Variants in BCL11A observed in about 807,000 individuals in gnomAD.
BCL11A encodes the protein BCL11 transcription factor A, also known as B cell CLL/lymphoma 11A.
Under a neutral mutation model 55.9 loss-of-function variants are expected in BCL11A, and 2 were observed. The ratio of observed to expected loss-of-function variants is 0.04; its 90% CI spans 0.01 to 0.11. The LOEUF (loss-of-function observed/expected upper bound fraction) is 0.11, where lower values mean the gene tolerates loss of function less well. Ranked by LOEUF, BCL11A falls within the 10% of genes least tolerant of loss-of-function variation. BCL11A has a pLI of 1.00. For missense variants in BCL11A, 817 were observed against 1,137.1 expected (o/e 0.72, Z 4.05); for synonymous variants, 465 against 473.4 (o/e 0.98, Z 0.23).
At position 60,459,076 on chromosome 2, in the gene BCL11A, T is replaced by C. The variant is rs1202165380; in HGVS notation, c.*1328A>G. ...TAATCATCATTGTATCAATATTAGC[T>C]TATATACCTGTTCTAGTTTTAAATG... On this transcript the variant is annotated 3_prime_UTR_variant, in exon 4 of 4. Coordinates refer to ENST00000642384, the MANE Select transcript of BCL11A (RefSeq NM_022893.4). The C allele has an allele frequency of 5.9e-6, 6 of 1,014,766 alleles. No homozygotes were observed. The African/African-American group carries it at 1.0e-4, about 17-fold the overall frequency. 62.9% of individuals were successfully genotyped at this position (1,014,766 alleles called of 1,614,324 possible).
chr2:60,461,197 C>A lies in BCL11A; in HGVS notation c.1715G>T (p.Arg572Leu). The change falls in exon 4 of 4, where the codon CGC becomes CTC. Residue 572 changes from arginine (R) to leucine (L), a missense_variant. This residue lies in a region of BCL11A where 379 missense variants were observed against 425.3 expected (regional missense o/e 0.89). Coordinates refer to ENST00000642384, the MANE Select transcript of BCL11A (RefSeq NM_022893.4). Reference sequence around the variant, plus strand: ...GCCCTCGGCCTCGGCCAGGTGGCCGCGCTTATGCTTCTCGCCCAGGACCTG... The same window carrying A: ...GCCCTCGGCCTCGGCCAGGTGGCCGAGCTTATGCTTCTCGCCCAGGACCTG... ...FHQVLGEKHK[R>L]GHLAEAEGHR... The A allele has an allele frequency of 6.2e-7, 1 of 1,612,454 alleles. No individual in the cohort carries two copies. Among genetic ancestry groups the A allele is most frequent in the Non-Finnish European group, 8.5e-7 (1 of 1,179,842 alleles).
In BCL11A at chr2:60,468,801, G is replaced by T. The variant is rs1464060626; in HGVS notation, c.418C>A (p.Pro140Thr). 6.2e-7 allele frequency: 1 copy of T among 1,608,136 alleles called. No individual in the cohort carries two copies. The highest frequency in any genetic ancestry group is 2.2e-5 in the East Asian group (1 of 44,770). ...KLLHWRGLSS[P>T]RSAHGALIPT... is the part of the protein sequence containing the mutation. ...ATTAGAGCTCCATGTGCAGAACGAG[G>T]GGAGGAGAGGCCCCTCCAGTGCAGA... Residue 140 changes from proline to threonine, a missense_variant, in exon 3 of 4, where the codon CCT (proline) becomes ACT (threonine). Transcript: ENST00000642384.
Position 60,475,374 on chromosome 2 carries a change from A to G in BCL11A, c.386-6541T>C, listed in dbSNP as rs191225075. Among the ~76,000 whole-genome samples, 13 of 152,266 alleles carry G rather than the reference A, an allele frequency of 8.5e-5. No homozygotes were observed. The East Asian group carries it at 9.6e-4, about 11-fold the overall frequency. ...CCCACCTCAATTGTTTCTTCCCCCA[A>G]TGAATGTGGGTGGCCCGCTAAGGCA... On this transcript the variant is annotated intron_variant, in intron 2 of 3. Transcript: ENST00000642384.
chr2:60,461,607 C>G lies in BCL11A; in HGVS notation c.1305G>C (p.Thr435=). The change falls in exon 4 of 4, where the codon ACG becomes ACC. Residue 435 remains threonine (T), a synonymous_variant. Coordinates refer to ENST00000642384, the MANE Select transcript of BCL11A (RefSeq NM_022893.4). ...TGGAGAGACCGTCGTCGGACTTGAC[C>G]GTCATGGGGGACGATTTGTGCATGT... ...KTHMHKSSPM[T]VKSDDGLSTA... 1.2e-6 allele frequency: 2 copies of G among 1,613,552 alleles called. No homozygotes were observed. Among genetic ancestry groups the G allele is most frequent in the South Asian group, 2.2e-5 (2 of 91,082 alleles).
At chr2:60,553,121 A>C in intron 1 of BCL11A, 95 bp downstream of exon 1, 2 of 1,307,568 alleles carry the variant, frequency 1.5e-6, no homozygotes, top group Non-Finnish European at 2.1e-6. Context: ...TTAAAAATGC[A>C]TGCACACACC....
chr2:60,463,730 C>T (rs1298075834), intron 3 of BCL11A, among the ~76,000 whole-genome samples: 1 of 151,158 alleles, frequency 6.6e-6, no homozygotes, highest in Non-Finnish European at 1.5e-5. Context: ...TAGTCAACTG[C>T]AACATTAAAA....
chr2:60,550,850 C>G (rs962555393), intron 1 of BCL11A: 2 of 398,574 alleles, frequency 5.0e-6, no homozygotes, highest in Non-Finnish European at 8.8e-6. Context: ...GAACACTGCC[C>G]TTCCTTCCCG....
chr2:60,475,121 A>G (rs1217061168), intron 2 of BCL11A, among the ~76,000 whole-genome samples: 1 of 152,252 alleles, frequency 6.6e-6, no homozygotes, highest in Admixed American at 6.5e-5. Context: ...GTGGGCACAG[A>G]GTAAATGGGG....
chr2:60,481,553 G>A (rs1677961244), intron 2 of BCL11A, among the ~76,000 whole-genome samples: 1 of 152,130 alleles, frequency 6.6e-6, no homozygotes, highest in South Asian at 2.1e-4. Flanking sequence ...AGGGATCAAG[G>A]TGACAGTGCT....
rs138335277 is a variant in BCL11A, at chr2:60,471,536, C to T, written c.386-2703G>A. On this transcript the variant is annotated intron_variant, in intron 2 of 3. Transcript: ENST00000642384. ...GCTATGATGCCTTCAATTATTTCATCACGGCTTAGGCAAAGTAAAGTATCA... is the reference window on the plus strand; with the variant it reads ...GCTATGATGCCTTCAATTATTTCATTACGGCTTAGGCAAAGTAAAGTATCA... 2.2e-4 allele frequency among the ~76,000 whole-genome samples: 33 copies of T among 152,362 alleles called. No individual in the cohort carries two copies. The East Asian group carries it at 5.0e-3, about 23-fold the overall frequency.
chr2:60,508,021 T>C (rs1447023089), intron 2 of BCL11A, among the ~76,000 whole-genome samples: 5 of 152,208 alleles, frequency 3.3e-5, no homozygotes, highest in Non-Finnish European at 5.9e-5. Flanking sequence ...TTACGGATAA[T>C]GCCCTAACTG....
rs767936621 is a variant in BCL11A, at chr2:60,461,340, G to T, written c.1572C>A (p.His524Gln). The T allele has an allele frequency of 1.3e-6, 2 of 1,592,298 alleles. No homozygotes were observed. The highest frequency in any genetic ancestry group is 2.2e-5 in the South Asian group (2 of 89,136). Residue 524 changes from histidine to glutamine, a missense_variant, in exon 4 of 4, where the codon CAC (histidine) becomes CAA (glutamine). His to Gln is a conservative substitution (Grantham distance 24). Coordinates refer to ENST00000642384, the MANE Select transcript of BCL11A (RefSeq NM_022893.4). Reference sequence around the variant, plus strand: ...CCGCGCCCCGCGAGCTGTTCTCGTGGTGGCGCGCCGCCTCCAGGCTCAGCC... The same window carrying T: ...CCGCGCCCCGCGAGCTGTTCTCGTGTTGGCGCGCCGCCTCCAGGCTCAGCC... ...GFGLSLEAAR[H>Q]HENSSRGAVV...
Position 60,546,925 on chromosome 2 carries a change from G to A in BCL11A, c.56-625C>T, listed in dbSNP as rs1447863251. Among the ~76,000 whole-genome samples the A allele has an allele frequency of 1.3e-5, 2 of 152,172 alleles. No individual in the cohort carries two copies. The highest frequency in any genetic ancestry group is 4.8e-5 in the African/African-American group (2 of 41,422). ...TAAGAAAACGACTGCATGCACCTAT[G>A]AAACGGATCTAAATAATAATCATGT... On this transcript the variant is annotated intron_variant, in intron 1 of 3. Transcript: ENST00000642384. This position sits in a 1 kb window ranked among gnomAD's most constrained non-coding sequence, Gnocchi z 4.1.
chr2:60,488,171 C>T (rs1678395372), intron 2 of BCL11A, among the ~76,000 whole-genome samples: 1 of 152,202 alleles, frequency 6.6e-6, no homozygotes, highest in East Asian at 1.9e-4. Flanking sequence ...GTGTTTCTTC[C>T]TTTCCTTCTA....
At chr2:60,527,329 T>C (rs181517955) in intron 2 of BCL11A, 1 of 152,298 alleles carries the variant, frequency 6.6e-6, no homozygotes, top group East Asian at 1.9e-4. Flanking sequence ...CATTTCAGTC[T>C]AGGAGACCCA....
chr2:60,521,186 T>C (rs1373695591), intron 2 of BCL11A, among the ~76,000 whole-genome samples: 1 of 152,138 alleles, frequency 6.6e-6, no homozygotes, highest in Admixed American at 6.5e-5. Context: ...CATTGTCTAC[T>C]GCCAGTGAAG....
Position 60,459,368 on chromosome 2 carries a change from A to G in BCL11A, c.*1036T>C, listed in dbSNP as rs536592005. 9.8e-7 allele frequency: 1 copy of G among 1,019,878 alleles called. No homozygotes were observed. Among genetic ancestry groups the G allele is most frequent in the South Asian group, 4.6e-5 (1 of 21,592 alleles). 63.2% of individuals were successfully genotyped at this position (1,019,878 alleles called of 1,614,324 possible). A position where few individuals can be genotyped will look rare whatever the true frequency, so the allele number is the denominator to read the frequency against. On this transcript the variant is annotated 3_prime_UTR_variant, in exon 4 of 4. Coordinates refer to ENST00000642384, the MANE Select transcript of BCL11A (RefSeq NM_022893.4). ...GTTCCAGGGCTTTTGCACATTACAC[A>G]TTCAATTTAATCATTGTTTAAAAAA...
In BCL11A at chr2:60,458,136, T is replaced by A; in HGVS notation, c.*2268A>T. ...ATATAAATACTATAGTGCCTAACACTAGATGAACATTTAATTCAAATACCA... is the reference window on the plus strand; with the variant it reads ...ATATAAATACTATAGTGCCTAACACAAGATGAACATTTAATTCAAATACCA... On this transcript the variant is annotated 3_prime_UTR_variant, in exon 4 of 4. Coordinates refer to ENST00000642384, the MANE Select transcript of BCL11A (RefSeq NM_022893.4). The A allele has an allele frequency of 9.7e-7, 1 of 1,027,942 alleles. No homozygotes were observed. The allele number at this position is 1,027,942 out of a possible 1,614,324, so 63.7% of individuals were successfully genotyped here. A position where few individuals can be genotyped will look rare whatever the true frequency, so the allele number is the denominator to read the frequency against.
In BCL11A at chr2:60,462,072, C is replaced by G. The variant is rs1434205349; in HGVS notation, c.840G>C (p.Glu280Asp). ...PRHHLDPHRI[E>D]RLGAEEMALA... ...GGGCCATCTCTTCCGCCCCCAGGCG[C>G]TCTATGCGGTGGGGGTCCAAGTGAT... Residue 280 changes from glutamate (E) to aspartate (D), a missense_variant, in exon 4 of 4, where the codon GAG (glutamate) becomes GAC (aspartate). Transcript: ENST00000642384. The G allele has an allele frequency of 1.9e-6, 3 of 1,585,136 alleles. No individual in the cohort carries two copies. The South Asian group carries it at 3.5e-5, about 19-fold the overall frequency.
Sources: allele counts gnomAD v4.1 joint callset (sites outside exome capture counted in the v4.1 genomes callset), GRCh38; gene constraint gnomAD v4.1.1; regional missense constraint gnomAD v4.1.1; non-coding constraint Gnocchi (gnomAD v3.1); transcripts MANE v1.5; gene names NCBI Gene and HGNC (gene_info 2026-07-23, HGNC 2026-07-21).